Variants in PRMT8 observed in about 807,000 individuals in gnomAD.
PRMT8 encodes the protein protein arginine N-methyltransferase 8.
PRMT8 carries 7 observed loss-of-function variants against 47.1 expected under a neutral mutation model. That is an observed-to-expected ratio of 0.15 (90% CI 0.08 to 0.28). The LOEUF (loss-of-function observed/expected upper bound fraction) is 0.28, where lower values mean the gene tolerates loss of function less well. Ranked by LOEUF, PRMT8 falls within the 10% of genes least tolerant of loss-of-function variation. PRMT8 has a pLI of 1.00. For synonymous variants in PRMT8, 188 were observed against 186.5 expected (o/e 1.01, Z -0.07); for missense variants, 237 against 505.4 (o/e 0.47, Z 5.09).
chr12:3,529,871 C>T (rs956925673), intron 1 of PRMT8, among the ~76,000 whole-genome samples: 1 of 152,106 alleles, frequency 6.6e-6, no homozygotes, highest in Admixed American at 6.5e-5. Flanking sequence ...AGTCAGTCAG[C>T]GTCTCTGAAC....
At chr12:3,414,850 G>C (rs960617558) in intron 1 of PRMT8, among the ~76,000 whole-genome samples, 1 of 151,978 alleles carries the variant, frequency 6.6e-6, no homozygotes, top group Non-Finnish European at 1.5e-5. Flanking sequence ...TCAGCCTCTT[G>C]TATCCCCACT....
chr12:3,538,471 C>G lies in PRMT8; in HGVS notation c.76-2135C>G, dbSNP rs74056116. On this transcript the variant is annotated intron_variant, in intron 1 of 9. Transcript: ENST00000382622. This position sits in a 1 kb window ranked among gnomAD's most constrained non-coding sequence, Gnocchi z 4.6. ...ATGTTCAGGGATCACAGGCCACTGC[C>G]GTTTCCCACCCACTCCCAGCCTCCG... The G allele has an allele frequency of 2.7e-6, 1 of 363,960 alleles. No homozygotes were observed. The highest frequency in any genetic ancestry group is 5.4e-6 in the Non-Finnish European group (1 of 184,696). 22.5% of individuals were successfully genotyped at this position (363,960 alleles called of 1,614,324 possible).
intron 1 of PRMT8, among the ~76,000 whole-genome samples, chr12:3,428,026 C>A (rs1464875443): frequency 2.6e-5 from 4 of 152,148 alleles, no homozygotes; most frequent in Non-Finnish European, 5.9e-5. Flanking sequence ...TTAATAAGAT[C>A]TTGTTTAGTC....
At chr12:3,489,241 A>C (rs1198913530), upstream of PRMT8, among the ~76,000 whole-genome samples, 1 of 152,106 alleles carries the variant, frequency 6.6e-6, no homozygotes, top group Non-Finnish European at 1.5e-5. Context: ...ACACCCACTG[A>C]GGTTCTCATA....
At chr12:3,408,264 A>T (rs1392429148) in intron 1 of PRMT8, among the ~76,000 whole-genome samples, 3 of 145,948 alleles carry the variant, frequency 2.1e-5, no homozygotes, top group Non-Finnish European at 4.5e-5. Context: ...GATCATGTCT[A>T]ACTCTTTTGC....
rs989600436 is a variant in PRMT8 at position 3,453,548 on chromosome 12, C to T, written c.48+72106C>T. Among the ~76,000 whole-genome samples, 4 of 152,216 alleles carry T rather than the reference C, an allele frequency of 2.6e-5. No individual in the cohort carries two copies. The highest frequency in any genetic ancestry group is 4.1e-4 in the South Asian group (2 of 4,838). ...CCTGCTTTCTCCTGGGGAAGCCAGA[C>T]GCTGCATTCCGCATGCCATCGTGAC... On this transcript the variant is annotated intron_variant, in intron 1 of 9. Coordinates refer to the PRMT8 transcript ENST00000452611. This position sits in a 1 kb window ranked among gnomAD's most constrained non-coding sequence, Gnocchi z 4.9.
intron 1 of PRMT8, among the ~76,000 whole-genome samples, chr12:3,418,659 GCTACCTCACCCCA>G (rs1255009090): frequency 8.5e-5 from 13 of 152,184 alleles, no homozygotes; most frequent in Non-Finnish European, 4.4e-5. Context: ...TTTGACTCTA[GCTACCTCACCCCA>G]CTTTACTGGG....
At chr12:3,581,050 G>A (rs1489440350) in intron 7 of PRMT8, among the ~76,000 whole-genome samples, 1 of 152,232 alleles carries the variant, frequency 6.6e-6, no homozygotes, top group Non-Finnish European at 1.5e-5. Context: ...ATGTGGTGGA[G>A]GAAGGGGCTT....
chr12:3,382,795 C>G (rs1446729319), intron 1 of PRMT8, among the ~76,000 whole-genome samples: 1 of 151,992 alleles, frequency 6.6e-6, no homozygotes, highest in African/African-American at 2.4e-5. Context: ...TTGGCCTAAC[C>G]CTAGATCATG....
intron 1 of PRMT8, among the ~76,000 whole-genome samples, chr12:3,434,329 T>C (rs182820343): frequency 3.9e-4 from 59 of 152,206 alleles, no homozygotes; most frequent in African/African-American, 1.3e-3. Context: ...AGTAGGAAAA[T>C]GCAGATTTTG....
intron 1 of PRMT8, among the ~76,000 whole-genome samples, chr12:3,469,946 C>T (rs991199729): frequency 3.9e-5 from 6 of 152,078 alleles, no homozygotes; most frequent in South Asian, 2.1e-4. Context: ...GCCAAGGTGC[C>T]GAGGAGCACA....
chr12:3,589,971 C>G (rs557693249), intron 8 of PRMT8, among the ~76,000 whole-genome samples: 5 of 152,330 alleles, frequency 3.3e-5, no homozygotes, highest in Admixed American at 3.3e-4. Flanking sequence ...CAGTCATACA[C>G]TGACAGTCTC....
rs1022143723 is a variant in PRMT8 at position 3,564,357 on chromosome 12, T to G, written c.482-4349T>G. ...ACGGGCATCAGCTGACCCTGATGGA[T>G]GCACTGGAGGCTCAAATGAGGTTGA... is the stretch of plus-strand genomic sequence containing the variant. On this transcript the variant is annotated intron_variant, in intron 4 of 9. Coordinates refer to ENST00000382622, the MANE Select transcript of PRMT8 (RefSeq NM_019854.5). The surrounding 1 kb of genome is among the most constrained non-coding windows in gnomAD (Gnocchi z 4.0). 1.3e-5 allele frequency among the ~76,000 whole-genome samples: 2 copies of G among 152,212 alleles called. No homozygotes were observed. Among genetic ancestry groups the G allele is most frequent in the African/African-American group, 4.8e-5 (2 of 41,450 alleles).
intron 1 of PRMT8, among the ~76,000 whole-genome samples, chr12:3,442,697 C>T (rs138111032): frequency 6.6e-6 from 1 of 152,196 alleles, no homozygotes; most frequent in Non-Finnish European, 1.5e-5. Context: ...CTCACTCTGT[C>T]ACCCAGGCTG....
intron 8 of PRMT8, among the ~76,000 whole-genome samples, chr12:3,588,986 G>C (rs1867240506): frequency 6.6e-6 from 1 of 152,152 alleles, no homozygotes; most frequent in African/African-American, 2.4e-5. Flanking sequence ...TGACATTCTG[G>C]ATGTTTTCCA....
chr12:3,446,604 G>A lies in PRMT8; in HGVS notation c.48+65162G>A, dbSNP rs917902827. ...CCATCAGACTTCTATTGGAAACGGA[G>A]TCCCAGCTGTGTGTCATATAGGTTT... On this transcript the variant is annotated intron_variant, in intron 1 of 9. Transcript: ENST00000452611. Among the ~76,000 whole-genome samples, 4 of 152,292 alleles carry A rather than the reference G, an allele frequency of 2.6e-5. No individual in the cohort carries two copies. The South Asian group carries it at 8.3e-4, about 32-fold the overall frequency.
intron 8 of PRMT8, among the ~76,000 whole-genome samples, chr12:3,590,899 C>G (rs1407070405): frequency 6.6e-6 from 1 of 152,142 alleles, no homozygotes; most frequent in African/African-American, 2.4e-5. Context: ...CGGTCCCTGC[C>G]CTCATGGAGC....
chr12:3,396,100 G>A (rs907335878), intron 1 of PRMT8, among the ~76,000 whole-genome samples: 3 of 152,150 alleles, frequency 2.0e-5, no homozygotes, highest in Admixed American at 6.5e-5. Flanking sequence ...TTGAGCCTAT[G>A]TGTGTCTCTG....
Position 3,583,664 on chromosome 12 carries a change from C to T in PRMT8, c.979+456C>T, listed in dbSNP as rs1214087033. ...CCCTTCTCCCTTACTTTCACACCAA[C>T]CCATCCTTCATTAAATCTCTGTTGG... is the stretch of plus-strand genomic sequence containing the variant. On this transcript the variant is annotated intron_variant, in intron 8 of 9. Transcript: ENST00000382622. This position sits in a 1 kb window ranked among gnomAD's most constrained non-coding sequence, Gnocchi z 4.7. Among the ~76,000 whole-genome samples the T allele has an allele frequency of 6.6e-6, 1 of 152,204 alleles. No individual in the cohort carries two copies. Among genetic ancestry groups the T allele is most frequent in the African/African-American group, 2.4e-5 (1 of 41,450 alleles).
Sources: allele counts gnomAD v4.1 joint callset (sites outside exome capture counted in the v4.1 genomes callset), GRCh38; gene constraint gnomAD v4.1.1; non-coding constraint Gnocchi (gnomAD v3.1); transcripts MANE v1.5; gene names NCBI Gene and HGNC (gene_info 2026-07-23, HGNC 2026-07-21).